The following KANK4 variants were observed in gnomAD, a reference collection of about 807,000 sequenced individuals.
KANK4 encodes the protein KN motif and ankyrin repeat domains 4.
KANK4 carries 50 observed loss-of-function variants against 80.8 expected under a neutral mutation model. That is an observed-to-expected ratio of 0.62 (90% confidence interval 0.49 to 0.78). The LOEUF is 0.78. KANK4 is among the 30% of genes least tolerant of loss of function. KANK4 has a pLI of 0.00. For missense variants in KANK4, 1,196 were observed against 1,240.1 expected (o/e 0.96, Z 0.53); for synonymous variants, 465 against 506.9 (o/e 0.92, Z 1.11).
intron 7 of KANK4, among the ~76,000 whole-genome samples, chr1:62,257,555 G>C (rs887363937): frequency 6.6e-6 from 1 of 152,204 alleles, no homozygotes. Flanking sequence ...GGGTTGAGCC[G>C]GCAGAGGTGC....
chr1:62,312,553 T>C (rs561755848), intron 1 of KANK4, among the ~76,000 whole-genome samples: 5 of 152,334 alleles, frequency 3.3e-5, no homozygotes, highest in Admixed American at 3.3e-4. Flanking sequence ...TCTCTCCTTC[T>C]TGAAGAATCT....
intron 4 of KANK4, among the ~76,000 whole-genome samples, chr1:62,269,961 T>C (rs145702008): frequency 6.6e-6 from 1 of 152,282 alleles, no homozygotes; most frequent in Non-Finnish European, 1.5e-5. Context: ...ATTCAGACAC[T>C]GGGATGTTTT....
chr1:62,301,702 A>G (rs80030098), intron 1 of KANK4, among the ~76,000 whole-genome samples: 9 of 152,052 alleles, frequency 5.9e-5, no homozygotes, highest in Non-Finnish European at 1.2e-4. Context: ...CGAGAAAAAA[A>G]CAATTTCCTC....
intron 7 of KANK4, among the ~76,000 whole-genome samples, chr1:62,260,165 G>GT (rs1182416172): frequency 2.0e-5 from 3 of 152,230 alleles, no homozygotes; most frequent in African/African-American, 7.2e-5. Flanking sequence ...GAAATGAATA[G>GT]CCCAGCGTCT....
chr1:62,305,317 TTTCTTTTTTGAGA>T (rs1282243169), intron 1 of KANK4, among the ~76,000 whole-genome samples: 31 of 152,222 alleles, frequency 2.0e-4, no homozygotes, highest in Non-Finnish European at 4.1e-4. Context: ...AGATTTTTTT[TTTCTTTTTTGAGA>T]CAGAGTCTCG....
intron 1 of KANK4, among the ~76,000 whole-genome samples, chr1:62,305,687 G>A (rs953064887): frequency 6.6e-6 from 1 of 151,966 alleles, no homozygotes; most frequent in African/African-American, 2.4e-5. Flanking sequence ...ACTCATCCAA[G>A]GTTCACTGGC....
rs1557489313 is a variant in KANK4, at chr1:62,274,039, C to T, written c.1065G>A (p.Glu355=). Residue 355 remains glutamate, a synonymous_variant, in exon 3 of 10, where the codon GAG becomes GAA. Coordinates refer to ENST00000371153, the MANE Select transcript of KANK4 (RefSeq NM_181712.5). ...CCAGTTCCTCGGTTCTTCCAGACAA[C>T]TCTCCCTCCAGGGCCGAGACCTGCT... ...LKQQVSALEG[E]LSGRTEELAQ... is the part of the protein sequence containing the mutation. 6.2e-7 allele frequency: 1 copy of T among 1,614,220 alleles called. No individual in the cohort carries two copies. The highest frequency in any genetic ancestry group is 8.5e-7 in the Non-Finnish European group (1 of 1,180,052).
At chr1:62,303,113 A>G (rs1397660647) in intron 1 of KANK4, among the ~76,000 whole-genome samples, 1 of 152,086 alleles carries the variant, frequency 6.6e-6, no homozygotes, top group Non-Finnish European at 1.5e-5. Context: ...GGACTTGGGA[A>G]CTTACGAAGT....
At chr1:62,318,120 T>C (rs1259019826) in intron 1 of KANK4, among the ~76,000 whole-genome samples, 3 of 152,222 alleles carry the variant, frequency 2.0e-5, no homozygotes, top group Non-Finnish European at 4.4e-5. Context: ...TAACTCAAGA[T>C]GCTTTCTCCC....
chr1:62,308,755 T>G (rs1644474118), intron 1 of KANK4, among the ~76,000 whole-genome samples: 1 of 152,118 alleles, frequency 6.6e-6, no homozygotes, highest in Non-Finnish European at 1.5e-5. Flanking sequence ...CCCAGGGAAC[T>G]CAGCACCTCA....
chr1:62,245,346 A>C (rs1419871990), intron 9 of KANK4, among the ~76,000 whole-genome samples: 2 of 152,190 alleles, frequency 1.3e-5, no homozygotes, highest in African/African-American at 4.8e-5. Flanking sequence ...GGTGAAGCTA[A>C]GATTCACAGG....
At chr1:62,301,472 C>T (rs1644411445) in intron 1 of KANK4, among the ~76,000 whole-genome samples, 1 of 151,992 alleles carries the variant, frequency 6.6e-6, no homozygotes, top group Admixed American at 6.5e-5. Flanking sequence ...GTCTGACATA[C>T]ATGAGTGGTA....
At chr1:62,253,943 C>T (rs962185330) in intron 7 of KANK4, among the ~76,000 whole-genome samples, 1 of 152,208 alleles carries the variant, frequency 6.6e-6, no homozygotes, top group Non-Finnish European at 1.5e-5. Context: ...CTCTGGTGCT[C>T]ATCCCTCACC....
chr1:62,270,109 C>A (rs2149139038), intron 4 of KANK4, among the ~76,000 whole-genome samples: 1 of 152,302 alleles, frequency 6.6e-6, no homozygotes, highest in South Asian at 2.1e-4. Flanking sequence ...ATGGGCCTGA[C>A]CTCAGCCTGT....
chr1:62,247,424 G>A, intron 9 of KANK4, 48 bp downstream of exon 9: 1 of 1,564,884 alleles, frequency 6.4e-7, no homozygotes, highest in South Asian at 1.1e-5. Flanking sequence ...ACAGGTATGA[G>A]CCACCCTGCC....
intron 1 of KANK4, among the ~76,000 whole-genome samples, chr1:62,298,933 A>AC (rs935305258): frequency 8.8e-6 from 1 of 114,082 alleles, no homozygotes; most frequent in Non-Finnish European, 1.8e-5. Flanking sequence ...TCTATGTATT[A>AC]TTTTTTTTTT....
intron 7 of KANK4, among the ~76,000 whole-genome samples, chr1:62,262,263 T>C (rs1671904214): frequency 6.6e-6 from 1 of 152,204 alleles, no homozygotes; most frequent in Non-Finnish European, 1.5e-5. Flanking sequence ...GCAAGTTTTA[T>C]AACTCTTGAG....
intron 8 of KANK4, 66 bp downstream of exon 8, chr1:62,253,001 C>A: frequency 6.4e-7 from 1 of 1,569,366 alleles, no homozygotes; most frequent in Non-Finnish European, 8.7e-7. Flanking sequence ...TCTCACCCCA[C>A]TAGCAGAATA....
At chr1:62,269,137 C>T (rs560926677) in intron 4 of KANK4, among the ~76,000 whole-genome samples, 16 of 152,338 alleles carry the variant, frequency 1.1e-4, no homozygotes, top group African/African-American at 3.8e-4. Flanking sequence ...AAGGAGAGCA[C>T]AGGCCACTTG....
Sources: allele counts gnomAD v4.1 joint callset (sites outside exome capture counted in the v4.1 genomes callset), GRCh38; gene constraint gnomAD v4.1.1; transcripts MANE v1.5; gene names NCBI Gene and HGNC (gene_info 2026-07-23, HGNC 2026-07-21).